XYLT1: variants seen among roughly 807,000 people sequenced by gnomAD.
XYLT1 encodes the protein beta-D-xylosyltransferase 1.
A neutral mutation model predicts 91.3 loss-of-function variants in XYLT1; 36 were observed. The ratio of observed to expected loss-of-function variants is 0.39; its 90% CI spans 0.30 to 0.52. The LOEUF (loss-of-function observed/expected upper bound fraction) is 0.52, where lower values mean the gene tolerates loss of function less well. Ranked by LOEUF, XYLT1 falls within the 20% of genes least tolerant of loss-of-function variation. XYLT1 has a pLI of 0.68. For synonymous variants in XYLT1, 588 were observed against 532.0 expected, an observed-to-expected ratio of 1.11 and a Z score of -1.45; for missense variants, 1,242 against 1,284.5, an observed-to-expected ratio of 0.97 and a Z score of 0.51.
At chr16:17,112,061 T>C (rs1247125187) in intron 11 of XYLT1, among the ~76,000 whole-genome samples, 1 of 152,078 alleles carries the variant, frequency 6.6e-6, no homozygotes, top group Non-Finnish European at 1.5e-5. Context: ...GGCAGGACAT[T>C]CAAAGGGAAA....
At chr16:17,356,390 G>T (rs1407572386) in intron 2 of XYLT1, among the ~76,000 whole-genome samples, 1 of 152,114 alleles carries the variant, frequency 6.6e-6, no homozygotes, top group Non-Finnish European at 1.5e-5. Context: ...CCTCAGAGCT[G>T]CACCTTCTAT....
chr16:17,409,788 G>A (rs901795926), intron 1 of XYLT1, among the ~76,000 whole-genome samples: 6 of 151,956 alleles, frequency 3.9e-5, no homozygotes, highest in African/African-American at 1.5e-4. Context: ...GACCTCAAGT[G>A]ATCCACCTGC....
At chr16:17,451,285 C>T (rs970903036) in intron 1 of XYLT1, among the ~76,000 whole-genome samples, 1 of 152,184 alleles carries the variant, frequency 6.6e-6, no homozygotes, top group Non-Finnish European at 1.5e-5. Flanking sequence ...GTCCTTCTTC[C>T]CAAATGACTT....
At chr16:17,137,724 C>CTCCTTCAAGT (rs1303917127) in intron 8 of XYLT1, 1 of 147,624 alleles carries the variant, frequency 6.8e-6, no homozygotes, top group Non-Finnish European at 1.5e-5. Context: ...CCTCTTCTTA[C>CTCCTTCAAGT]TCCTTCAAGT....
chr16:17,397,390 C>T (rs563450625), intron 1 of XYLT1, among the ~76,000 whole-genome samples: 19 of 152,264 alleles, frequency 1.2e-4, no homozygotes, highest in Admixed American at 5.9e-4. Context: ...AAAAAACACC[C>T]GAGACAACAT....
Position 17,331,513 on chromosome 16 carries a change from C to T in XYLT1, c.402+26499G>A, listed in dbSNP as rs2034898981. 2.0e-5 allele frequency among the ~76,000 whole-genome samples: 3 copies of T among 152,024 alleles called. 1 individual carries two copies. The highest frequency in any genetic ancestry group is 2.9e-5 in the Non-Finnish European group (2 of 67,998). On this transcript the variant is annotated intron_variant, in intron 2 of 11. Transcript: ENST00000261381. ...GTTTGCTCAACAGACACACGTTTTC[C>T]ATTCAACACTCTTTCTGATTTGGTT...
chr16:17,159,199 G>T (rs1205764706), intron 5 of XYLT1, among the ~76,000 whole-genome samples: 1 of 152,114 alleles, frequency 6.6e-6, no homozygotes, highest in East Asian at 1.9e-4. Context: ...AATCTCCAGT[G>T]CCTGGCACTG....
intron 2 of XYLT1, among the ~76,000 whole-genome samples, chr16:17,267,517 C>A (rs1567349131): frequency 1.3e-5 from 2 of 152,244 alleles, no homozygotes; most frequent in Non-Finnish European, 2.9e-5. Context: ...CGCCATTCTC[C>A]TGCCTCAGCC....
chr16:17,185,653 G>T (rs1429599641), intron 5 of XYLT1, among the ~76,000 whole-genome samples: 1 of 152,154 alleles, frequency 6.6e-6, no homozygotes, highest in Non-Finnish European at 1.5e-5. Context: ...TGGACCAGTG[G>T]ATTTCAATTC....
In XYLT1 at chr16:17,470,440, C is replaced by G. The variant is rs777120741; in HGVS notation, c.357G>C (p.Arg119=). The G allele has an allele frequency of 8.1e-7, 1 of 1,230,842 alleles. No individual in the cohort carries two copies. Among genetic ancestry groups the G allele is most frequent in the African/African-American group, 1.6e-5 (1 of 64,338 alleles). The allele number at this position is 1,230,842 out of a possible 1,614,324, so 76.2% of individuals were successfully genotyped here. A position where few individuals can be genotyped will look rare whatever the true frequency, so the allele number is the denominator to read the frequency against. The change falls in exon 1 of 12, where the codon CGG becomes CGC. Residue 119 remains arginine (R), a synonymous_variant. Coordinates refer to ENST00000261381, the MANE Select transcript of XYLT1 (RefSeq NM_022166.4). Reference sequence around the variant, plus strand: ...AGCCGAAAGGGCATCTTACCAGAGCCCGGGCGGGCAGTGCCCCCCGGCTGG... The same window carrying G: ...AGCCGAAAGGGCATCTTACCAGAGCGCGGGCGGGCAGTGCCCCCCGGCTGG... ...QPASRGALPA[R]ALDPHPSPLI...
intron 3 of XYLT1, among the ~76,000 whole-genome samples, chr16:17,247,974 T>A (rs1252055955): frequency 6.6e-6 from 1 of 152,166 alleles, no homozygotes; most frequent in Non-Finnish European, 1.5e-5. Flanking sequence ...AGAGAGGATG[T>A]GAGACCTGCC....
At chr16:17,126,616 A>G (rs1411066561) in intron 10 of XYLT1, among the ~76,000 whole-genome samples, 3 of 151,882 alleles carry the variant, frequency 2.0e-5, no homozygotes, top group Non-Finnish European at 2.9e-5. Context: ...TCCCCAACAT[A>G]CTCTTAGCCC....
intron 1 of XYLT1, among the ~76,000 whole-genome samples, chr16:17,399,439 CCCT>C (rs2035935376): frequency 6.6e-6 from 1 of 152,110 alleles, no homozygotes; most frequent in Non-Finnish European, 1.5e-5. Context: ...AAGCCCTGCT[CCCT>C]CCTCATTACA....
chr16:17,354,888 G>A (rs2035273284), intron 2 of XYLT1: 1 of 152,190 alleles, frequency 6.6e-6, no homozygotes, highest in Non-Finnish European at 1.5e-5. Flanking sequence ...AGTCAGATCT[G>A]GCCACGGGCT....
At chr16:17,347,367 C>T (rs1258852429) in intron 2 of XYLT1, among the ~76,000 whole-genome samples, 2 of 152,070 alleles carry the variant, frequency 1.3e-5, no homozygotes, top group African/African-American at 4.8e-5. Context: ...AATGCCTTTA[C>T]CAACTTGGGA....
chr16:17,455,533 T>G (rs1465637493), intron 1 of XYLT1, among the ~76,000 whole-genome samples: 1 of 151,950 alleles, frequency 6.6e-6, no homozygotes, highest in Non-Finnish European at 1.5e-5. Flanking sequence ...GGCGAATCAC[T>G]TGAGGTCAGA....
intron 2 of XYLT1, among the ~76,000 whole-genome samples, chr16:17,341,952 C>T (rs6498685): frequency 0.64 from 97,160 of 152,044 alleles, 32,005 homozygotes; most frequent in African/African-American, 0.77. Flanking sequence ...TTCCCCCTCA[C>T]CCATCTCCCT....
At chr16:17,435,077 C>G (rs1347388496) in intron 1 of XYLT1, among the ~76,000 whole-genome samples, 10 of 152,174 alleles carry the variant, frequency 6.6e-5, no homozygotes, top group Non-Finnish European at 1.3e-4. Context: ...CACTTACTTC[C>G]CAGGCAACAA....
intron 3 of XYLT1, among the ~76,000 whole-genome samples, chr16:17,255,551 G>A (rs2033618072): frequency 6.6e-6 from 1 of 152,146 alleles, no homozygotes; most frequent in Non-Finnish European, 1.5e-5. Context: ...ACCAGGCACA[G>A]GTTAACAAAA....
Sources: gnomAD v4.1 joint callset for allele counts (sites outside exome capture counted in the v4.1 genomes callset) on GRCh38, gnomAD v4.1.1 for gene constraint, MANE v1.5 for transcripts, NCBI Gene and HGNC (gene_info 2026-07-23, HGNC 2026-07-21) for gene names.